The following MAGI2 variants were observed in gnomAD, a reference collection of about 807,000 sequenced individuals.
MAGI2 encodes the protein membrane associated guanylate kinase, WW and PDZ domain containing 2.
MAGI2 carries 35 observed loss-of-function variants against 133.3 expected under a neutral mutation model. The ratio of observed to expected loss-of-function variants is 0.26; its 90% CI spans 0.20 to 0.35. MAGI2 has a LOEUF of 0.35. Among genes scored for constraint, MAGI2 ranks in the 10% least tolerant of loss-of-function variants. The pLI, the probability that MAGI2 is intolerant of heterozygous loss-of-function variation, is 1.00. For missense variants in MAGI2, 1,636 were observed against 1,863.4 expected, an observed-to-expected ratio of 0.88 and a Z score of 2.25; for synonymous variants, 729 against 710.6, an observed-to-expected ratio of 1.03 and a Z score of -0.41.
chr7:79,443,617 T>C (rs1268135039), intron 1 of MAGI2, among the ~76,000 whole-genome samples: 1 of 152,160 alleles, frequency 6.6e-6, no homozygotes, highest in Non-Finnish European at 1.5e-5. Context: ...AATACTCACT[T>C]GTAAAATGCA....
chr7:78,563,726 C>A (rs57937917), intron 3 of MAGI2, among the ~76,000 whole-genome samples: 1 of 152,120 alleles, frequency 6.6e-6, no homozygotes, highest in African/African-American at 2.4e-5. Context: ...CCATATCACA[C>A]CTTACAAATA....
intron 2 of MAGI2, among the ~76,000 whole-genome samples, chr7:78,928,374 G>A (rs1486261499): frequency 6.6e-6 from 1 of 151,510 alleles, no homozygotes; most frequent in Non-Finnish European, 1.5e-5. Flanking sequence ...CAGTCATGAG[G>A]TTCCTTCTAG....
chr7:79,179,922 G>A (rs184037492), intron 1 of MAGI2, among the ~76,000 whole-genome samples: 6 of 152,056 alleles, frequency 3.9e-5, no homozygotes, highest in Admixed American at 2.6e-4. Context: ...ATAGACAAAC[G>A]GGACTCTGTC....
chr7:78,757,305 T>TTCTCTC (rs3086250), intron 2 of MAGI2, among the ~76,000 whole-genome samples: 10 of 145,292 alleles, frequency 6.9e-5, no homozygotes, highest in South Asian at 4.5e-4. Context: ...TTCTCCCTCC[T>TTCTCTC]TCTCTCTCTC....
At chr7:78,684,699 G>A (rs1184515694) in intron 2 of MAGI2, among the ~76,000 whole-genome samples, 1 of 151,904 alleles carries the variant, frequency 6.6e-6, no homozygotes, top group Admixed American at 6.6e-5. Flanking sequence ...GTATGAACAA[G>A]AGTCAACTTT....
intron 9 of MAGI2, among the ~76,000 whole-genome samples, chr7:78,266,030 A>G (rs945418625): frequency 6.6e-6 from 1 of 152,198 alleles, no homozygotes; most frequent in Non-Finnish European, 1.5e-5. Flanking sequence ...TGAGCAAGAA[A>G]AAGGAATAAC....
chr7:79,214,706 T>C (rs1385221429), intron 1 of MAGI2, among the ~76,000 whole-genome samples: 2 of 139,124 alleles, frequency 1.4e-5, no homozygotes, highest in East Asian at 2.0e-4. Context: ...TACATAAATA[T>C]ACATAAATAT....
intron 2 of MAGI2, among the ~76,000 whole-genome samples, chr7:78,794,640 T>G (rs1178184150): frequency 6.6e-6 from 1 of 152,148 alleles, no homozygotes; most frequent in African/African-American, 2.4e-5. Context: ...AAAGGAATAT[T>G]TAAATGTTGT....
At chr7:79,115,901 GA>G (rs1361131959) in intron 1 of MAGI2, among the ~76,000 whole-genome samples, 1 of 116,328 alleles carries the variant, frequency 8.6e-6, no homozygotes, top group Non-Finnish European at 1.6e-5. Context: ...AACATTACTG[GA>G]AAATGAAGAA....
chr7:79,054,752 C>T (rs906762187), intron 1 of MAGI2, among the ~76,000 whole-genome samples: 9 of 152,166 alleles, frequency 5.9e-5, no homozygotes, highest in Admixed American at 5.2e-4. Context: ...TCTGACTCTA[C>T]CTGGAATCCC....
chr7:78,827,005 G>T (rs1407446061), intron 2 of MAGI2, among the ~76,000 whole-genome samples: 1 of 152,106 alleles, frequency 6.6e-6, no homozygotes, highest in Non-Finnish European at 1.5e-5. Flanking sequence ...GTGGTGATAG[G>T]ATTAGAGACA....
intron 1 of MAGI2, among the ~76,000 whole-genome samples, chr7:79,117,004 C>T (rs1430080130): frequency 1.3e-5 from 2 of 152,170 alleles, no homozygotes; most frequent in Non-Finnish European, 2.9e-5. Flanking sequence ...TGGGCTAATA[C>T]ACCCAGGCAC....
intron 21 of MAGI2, chr7:78,078,538 C>A: frequency 4.3e-6 from 1 of 232,296 alleles, no homozygotes; most frequent in Admixed American, 5.6e-5. Context: ...GTTACAAATC[C>A]TTTGAGATAG....
chr7:78,110,580 C>T (rs541515541), intron 20 of MAGI2, among the ~76,000 whole-genome samples: 2 of 152,322 alleles, frequency 1.3e-5, no homozygotes, highest in East Asian at 1.9e-4. Context: ...TGTTTTATTA[C>T]GGGACCCAGC....
In MAGI2 at chr7:79,391,520, T is replaced by TATATATAGAC. The variant is rs1322919704; in HGVS notation, c.301+61499_301+61500insGTCTATATAT. Reference sequence around the variant, plus strand: ...ATATATATATAGACATATATATATATATATATATATATATATAGACATATA... The same window carrying TATATATAGAC: ...ATATATATATAGACATATATATATATATATATAGACATATATATATATATATAGACATATA... On this transcript the variant is annotated intron_variant, in intron 1 of 21. Coordinates refer to ENST00000354212, the MANE Select transcript of MAGI2 (RefSeq NM_012301.4). Among the ~76,000 whole-genome samples, 7 of 53,458 alleles carry TATATATAGAC rather than the reference T, an allele frequency of 1.3e-4. No individual in the cohort carries two copies. In the East Asian group the frequency reaches 5.0e-3, roughly 38 times the overall value. 35.1% of individuals were successfully genotyped at this position (53,458 alleles called of 152,430 possible).
chr7:78,430,831 G>A (rs959661693), intron 6 of MAGI2, among the ~76,000 whole-genome samples: 24 of 152,036 alleles, frequency 1.6e-4, no homozygotes, highest in African/African-American at 4.1e-4. Context: ...AGTTAACACC[G>A]CAAAGGGATG....
chr7:78,675,670 A>G (rs1451802483), intron 2 of MAGI2, among the ~76,000 whole-genome samples: 3 of 152,158 alleles, frequency 2.0e-5, no homozygotes, highest in Non-Finnish European at 4.4e-5. Context: ...GCCGCCACAC[A>G]GATGAGGTAA....
At position 78,600,257 on chromosome 7, in the gene MAGI2, G is replaced by A. The variant is rs73701635; in HGVS notation, c.538+26863C>T. Among the ~76,000 whole-genome samples, 626 of 152,072 alleles carry A rather than the reference G, an allele frequency of 4.1e-3. 1 individual carries two copies. The highest frequency in any genetic ancestry group is 0.014 in the African/African-American group (590 of 41,498). The stretch of plus-strand genomic sequence containing the variant: ...AGGAATTTTTAAATAATGGAATAAA[G>A]AATCAGAAAGAAAATAGGAGAGAAT... On this transcript the variant is annotated intron_variant, in intron 3 of 21. Coordinates refer to ENST00000354212, the MANE Select transcript of MAGI2 (RefSeq NM_012301.4).
intron 15 of MAGI2, among the ~76,000 whole-genome samples, chr7:78,163,672 C>T (rs895072921): frequency 1.8e-4 from 28 of 151,936 alleles, no homozygotes; most frequent in Non-Finnish European, 2.8e-4. Context: ...TTTGGGAGGC[C>T]GAGGCGGGCG....
Sources: allele counts gnomAD v4.1 joint callset (sites outside exome capture counted in the v4.1 genomes callset), GRCh38; gene constraint gnomAD v4.1.1; transcripts MANE v1.5; gene names NCBI Gene and HGNC (gene_info 2026-07-23, HGNC 2026-07-21).